Variants in AKAP1 observed in about 807,000 individuals in gnomAD.
The protein encoded by AKAP1 is A-kinase anchoring protein 1.
A neutral mutation model predicts 79.8 loss-of-function variants in AKAP1; 32 were observed. The ratio of observed to expected loss-of-function variants is 0.40; its 90% CI spans 0.30 to 0.54. The LOEUF (loss-of-function observed/expected upper bound fraction) is 0.54. Ranked by LOEUF, AKAP1 falls within the 20% of genes least tolerant of loss-of-function variation. AKAP1 has a pLI of 0.47. For missense variants in AKAP1, 961 were observed against 1,138.9 expected, an observed-to-expected ratio of 0.84 and a Z score of 2.25; for synonymous variants, 416 against 466.7, an observed-to-expected ratio of 0.89 and a Z score of 1.40.
chr17:57,101,541 GT>G (rs1420431562), intron 1 of AKAP1: 2 of 151,664 alleles, frequency 1.3e-5, no homozygotes, highest in Non-Finnish European at 2.9e-5. Context: ...AATCACCTTG[GT>G]TTTAAAAAAA....
rs1915463754 is a variant in AKAP1 at position 57,114,575 on chromosome 17, C to T, written c.2220C>T (p.Asp740=). ...CCTTCCACGCGCTGCGCAGCCTCGA[C>T]CAGCAGATGTACCTCTGTTACTCTC... ...HPTFHALRSL[D]QQMYLCYSQP... Residue 740 remains aspartate, a synonymous_variant, in exon 6 of 11, where the codon GAC becomes GAT. Coordinates refer to ENST00000337714, the MANE Select transcript of AKAP1 (RefSeq NM_003488.4). 1.2e-6 allele frequency: 2 copies of T among 1,614,210 alleles called. No individual in the cohort carries two copies. Among genetic ancestry groups the T allele is most frequent in the East Asian group, 4.5e-5 (2 of 44,872 alleles).
At chr17:57,100,462 C>T (rs1035472126) in intron 1 of AKAP1, among the ~76,000 whole-genome samples, 1 of 152,024 alleles carries the variant, frequency 6.6e-6, no homozygotes, top group African/African-American at 2.4e-5. Context: ...CACACACACA[C>T]AAACATTAGC....
chr17:57,108,296 T>C (rs1915022916), intron 2 of AKAP1, among the ~76,000 whole-genome samples: 1 of 152,212 alleles, frequency 6.6e-6, no homozygotes, highest in Non-Finnish European at 1.5e-5. Context: ...TGTTTTTATG[T>C]ACCTTGGAAA....
intron 6 of AKAP1, among the ~76,000 whole-genome samples, chr17:57,115,856 C>CT (rs1915546179): frequency 6.6e-6 from 1 of 152,206 alleles, no homozygotes; most frequent in African/African-American, 2.4e-5. Flanking sequence ...TGGATCTAGA[C>CT]TGAATGCTTC....
At chr17:57,112,375 GC>G in intron 4 of AKAP1, 115 bp from the exon 5 acceptor site, 1 of 1,268,980 alleles carries the variant, frequency 7.9e-7, no homozygotes. Flanking sequence ...CCTCAAAGAT[GC>G]ACTTGAACTC....
rs187432545 is a variant in AKAP1 at position 57,107,680 on chromosome 17, G to T, written c.1714+502G>T. 7.3e-4 allele frequency among the ~76,000 whole-genome samples: 110 copies of T among 151,488 alleles called. 8 individuals are homozygous for T. The highest frequency in any genetic ancestry group is 1.5e-4 in the Non-Finnish European group (10 of 67,856). ...TAAACACTAACCTCTTTGTGTGTGCGTGTGTGTGTGTGTTTTAATGGAGAG... is the reference window on the plus strand; with the variant it reads ...TAAACACTAACCTCTTTGTGTGTGCTTGTGTGTGTGTGTTTTAATGGAGAG... On this transcript the variant is annotated intron_variant, in intron 2 of 10. Coordinates refer to ENST00000337714, the MANE Select transcript of AKAP1 (RefSeq NM_003488.4).
In AKAP1 at chr17:57,085,260, C is replaced by G. The variant is rs1285607098; in HGVS notation, c.-163C>G. On this transcript the variant is annotated 5_prime_UTR_variant, in exon 1 of 11. Transcript: ENST00000337714. ...CGCGCGTCTTCAGTATTTAATGTCT[C>G]TGTGTTCCACCCGCCTGGGCTAGCA... 1.3e-5 allele frequency: 2 copies of G among 150,880 alleles called. No homozygotes were observed. Among genetic ancestry groups the G allele is most frequent in the African/African-American group, 2.4e-5 (1 of 41,248 alleles). 9.3% of individuals were successfully genotyped at this position (150,880 alleles called of 1,614,324 possible). A position where few individuals can be genotyped will look rare whatever the true frequency, so the allele number is the denominator to read the frequency against.
rs1915152177 is a variant in AKAP1 at position 57,110,173 on chromosome 17, C to T, written c.1848+15C>T. 3 of 1,613,066 alleles carry T rather than the reference C, an allele frequency of 1.9e-6. No homozygotes were observed. Among genetic ancestry groups the T allele is most frequent in the Non-Finnish European group, 2.5e-6 (3 of 1,179,820 alleles). On this transcript the variant is annotated intron_variant, in intron 3 of 10. Transcript: ENST00000337714. ...AGGTGCCAAAGGTAGGGGCGGAGTC[C>T]CCCAGGCTGGTTCTGTGGTAAGCCC...
intron 1 of AKAP1, among the ~76,000 whole-genome samples, chr17:57,104,040 C>A (rs1036251118): frequency 1.8e-4 from 27 of 151,920 alleles, no homozygotes; most frequent in African/African-American, 5.3e-4. Context: ...CTCACTGCAA[C>A]CTCCACCCCC....
chr17:57,086,128 C>A lies in AKAP1; in HGVS notation c.-25+730C>A, dbSNP rs1913434049. 1.0e-5 allele frequency: 3 copies of A among 290,406 alleles called. No individual in the cohort carries two copies. 18.0% of individuals were successfully genotyped at this position (290,406 alleles called of 1,614,324 possible). ...AATTTGCATTCGTAGCCCCTGCAGG[C>A]GTGTCCGGAGGGGTGGAGGCCGTCC... On this transcript the variant is annotated intron_variant, in intron 1 of 10. Coordinates refer to ENST00000337714, the MANE Select transcript of AKAP1 (RefSeq NM_003488.4). The surrounding 1 kb of genome is among the most constrained non-coding windows in gnomAD (Gnocchi z 5.1).
At chr17:57,091,971 G>A (rs1197841106) in intron 1 of AKAP1, among the ~76,000 whole-genome samples, 2 of 152,124 alleles carry the variant, frequency 1.3e-5, no homozygotes, top group Non-Finnish European at 2.9e-5. Context: ...GAGATTACAG[G>A]TGTGAGCCAC....
intron 7 of AKAP1, 42 bp from the exon 8 acceptor site, chr17:57,116,818 C>A: frequency 6.4e-7 from 1 of 1,574,588 alleles, no homozygotes. Context: ...TGGAGTCAGC[C>A]TTCATGTCCA....
At chr17:57,110,522 T>G (rs986213061) in intron 3 of AKAP1, among the ~76,000 whole-genome samples, 5 of 152,194 alleles carry the variant, frequency 3.3e-5, no homozygotes, top group African/African-American at 1.2e-4. Context: ...TCTGCTCAAG[T>G]GCTCCAAGTG....
intron 1 of AKAP1, among the ~76,000 whole-genome samples, chr17:57,099,443 A>G (rs1597967855): frequency 6.6e-6 from 1 of 152,108 alleles, no homozygotes. Context: ...TCTAGTCCAG[A>G]GTGCGGGGTG....
At chr17:57,111,427 AGAG>A (rs1915240637) in intron 3 of AKAP1, among the ~76,000 whole-genome samples, 1 of 152,220 alleles carries the variant, frequency 6.6e-6, no homozygotes, top group African/African-American at 2.4e-5. Flanking sequence ...CATGGCTTTT[AGAG>A]GAGAAGATGC....
intron 1 of AKAP1, among the ~76,000 whole-genome samples, chr17:57,089,556 A>G (rs1277072740): frequency 1.3e-5 from 2 of 152,222 alleles, no homozygotes; most frequent in Non-Finnish European, 2.9e-5. Flanking sequence ...AGTACAGGTC[A>G]AGAACATTTT....
chr17:57,114,755 T>A, intron 6 of AKAP1, 119 bp downstream of exon 6: 1 of 1,170,014 alleles, frequency 8.5e-7, no homozygotes, highest in Non-Finnish European at 1.2e-6. Context: ...CCTTCAATTC[T>A]TGCCATTGTT....
Position 57,106,096 on chromosome 17 carries a change from G to C in AKAP1, c.632G>C (p.Gly211Ala). 1 of 1,606,078 alleles carries C rather than the reference G, an allele frequency of 6.2e-7. No individual in the cohort carries two copies. The highest frequency in any genetic ancestry group is 8.5e-7 in the Non-Finnish European group (1 of 1,175,270). Residue 211 changes from glycine to alanine, a missense_variant, in exon 2 of 11, where the codon GGG (glycine) becomes GCG (alanine). Gly to Ala is a moderately conservative substitution (Grantham distance 60, BLOSUM62 0). Coordinates refer to ENST00000337714, the MANE Select transcript of AKAP1 (RefSeq NM_003488.4). The stretch of plus-strand genomic sequence containing the variant: ...GAAGGGACTGGTGATGCCGTGTTGG[G>C]GGAAAAGGTGCTTGAAGAAGCTCTG... ...GAEGTGDAVLGEKVLEEALLS... is the reference protein window; with the variant it reads ...GAEGTGDAVLAEKVLEEALLS...
chr17:57,100,144 C>T (rs1479181064), intron 1 of AKAP1, among the ~76,000 whole-genome samples: 1 of 152,166 alleles, frequency 6.6e-6, no homozygotes, highest in Non-Finnish European at 1.5e-5. Flanking sequence ...GGAGAACTAG[C>T]CCCCGGTGGG....
Sources: gnomAD v4.1 joint callset for allele counts (sites outside exome capture counted in the v4.1 genomes callset) on GRCh38, gnomAD v4.1.1 for gene constraint, Gnocchi (gnomAD v3.1) non-coding constraint, MANE v1.5 for transcripts, NCBI Gene and HGNC (gene_info 2026-07-23, HGNC 2026-07-21) for gene names.